Variants in PACSIN2 observed in about 807,000 individuals in gnomAD.
The protein encoded by PACSIN2 is protein kinase C and casein kinase substrate in neurons protein 2.
Under a neutral mutation model 63.8 loss-of-function variants are expected in PACSIN2, and 25 were observed. The observed-to-expected ratio is 0.39, with a 90% confidence interval of 0.29 to 0.55. PACSIN2 has a LOEUF of 0.55. Ranked by LOEUF, PACSIN2 falls within the 20% of genes least tolerant of loss-of-function variation. The pLI is 0.62. For missense variants in PACSIN2, 518 were observed against 646.9 expected (o/e 0.80, Z 2.16); for synonymous variants, 255 against 256.2 (o/e 1.00, Z 0.05).
At position 42,871,283 on chromosome 22, in the gene PACSIN2, G is replaced by T; in HGVS notation, c.*74C>A. On this transcript the variant is annotated 3_prime_UTR_variant, in exon 11 of 11. Coordinates refer to ENST00000263246, the MANE Select transcript of PACSIN2 (RefSeq NM_001184970.3). The surrounding 1 kb of genome is among the most constrained non-coding windows in gnomAD (Gnocchi z 5.4). ...ACCATCATCTCTTGCAGGAAAAGGAGTGGATGCCCACGTGGCTGGCTGAGG... is the reference window on the plus strand; with the variant it reads ...ACCATCATCTCTTGCAGGAAAAGGATTGGATGCCCACGTGGCTGGCTGAGG... The T allele has an allele frequency of 1.1e-6, 1 of 873,930 alleles. No homozygotes were observed. 54.1% of individuals were successfully genotyped at this position (873,930 alleles called of 1,614,324 possible).
chr22:42,893,930 C>A (rs1027671062), intron 2 of PACSIN2, among the ~76,000 whole-genome samples: 1 of 151,994 alleles, frequency 6.6e-6, no homozygotes, highest in Non-Finnish European at 1.5e-5. Context: ...GATGCCTAAA[C>A]GGGCACCTCA....
At chr22:42,945,432 G>T (rs1933374228) in intron 1 of PACSIN2, among the ~76,000 whole-genome samples, 1 of 152,046 alleles carries the variant, frequency 6.6e-6, no homozygotes, top group Non-Finnish European at 1.5e-5. Context: ...CAAGCCCCCT[G>T]ATCTGCTGTC....
intron 2 of PACSIN2, among the ~76,000 whole-genome samples, chr22:42,898,792 A>G (rs1408945724): frequency 2.0e-5 from 3 of 152,222 alleles, no homozygotes; most frequent in South Asian, 2.1e-4. Context: ...TGAGAACCCA[A>G]TGTCAGCCAA....
At position 42,995,099 on chromosome 22, in the gene PACSIN2, G is replaced by A. The variant is rs986016889; in HGVS notation, c.-78+19922C>T. On this transcript the variant is annotated intron_variant, in intron 1 of 10. Coordinates refer to ENST00000263246, the MANE Select transcript of PACSIN2 (RefSeq NM_001184970.3). ...CCCCTCCCCGCCTCGGGGCTGCTCC[G>A]GGCCCCAACTGCCAGGAAGCAAGAC... 2.6e-5 allele frequency among the ~76,000 whole-genome samples: 4 copies of A among 152,200 alleles called. No homozygotes were observed. The South Asian group carries it at 6.2e-4, about 24-fold the overall frequency.
In PACSIN2 at chr22:42,893,603, T is replaced by G; in HGVS notation, c.71A>C (p.Tyr24Ser). The change falls in exon 3 of 11, where the codon TAC becomes TCC. Residue 24 changes from tyrosine (Y) to serine (S), a missense_variant. Physicochemically the swap from Tyr to Ser is moderately radical, Grantham distance 144 (BLOSUM62 -2). This residue lies in a region of PACSIN2 where 507 missense variants were observed against 612.3 expected (regional missense o/e 0.83). Coordinates refer to ENST00000263246, the MANE Select transcript of PACSIN2 (RefSeq NM_001184970.3). ...GTCGATCCGCTTCACAGTCCGCTTG[T>G]AGTTCCCGACCTAGGAGAGAGAACC... Reference protein sequence around the residue: ...SSDSFWEVGNYKRTVKRIDDG... With the variant: ...SSDSFWEVGNSKRTVKRIDDG... 6.2e-7 allele frequency: 1 copy of G among 1,613,906 alleles called. No homozygotes were observed. Among genetic ancestry groups the G allele is most frequent in the Non-Finnish European group, 8.5e-7 (1 of 1,179,864 alleles).
chr22:42,884,746 G>C (rs1036506920), intron 5 of PACSIN2, among the ~76,000 whole-genome samples, 185 bp from the exon 6 acceptor site: 4 of 152,224 alleles, frequency 2.6e-5, no homozygotes, highest in African/African-American at 9.6e-5. Context: ...TCACACTCCT[G>C]CCATCTGCCC....
chr22:43,011,477 T>C (rs1456804522), intron 1 of PACSIN2, among the ~76,000 whole-genome samples: 1 of 152,150 alleles, frequency 6.6e-6, no homozygotes, highest in Non-Finnish European at 1.5e-5. Flanking sequence ...CAAGGTGCCA[T>C]CACTATTATT....
At chr22:42,914,399 A>G (rs1405325745) in intron 1 of PACSIN2, among the ~76,000 whole-genome samples, 2 of 152,096 alleles carry the variant, frequency 1.3e-5, no homozygotes, top group Non-Finnish European at 2.9e-5. Flanking sequence ...CGCTCGGCTA[A>G]TTTTTGTATT....
chr22:42,939,494 T>C (rs1933053882), intron 1 of PACSIN2, among the ~76,000 whole-genome samples: 1 of 152,172 alleles, frequency 6.6e-6, no homozygotes, highest in Non-Finnish European at 1.5e-5. Flanking sequence ...AGAGCAGGCC[T>C]AACTGAACCA....
intron 5 of PACSIN2, among the ~76,000 whole-genome samples, chr22:42,885,115 T>C (rs1458433375): frequency 6.6e-6 from 1 of 152,120 alleles, no homozygotes; most frequent in Non-Finnish European, 1.5e-5. Flanking sequence ...CCTCCCAGAT[T>C]GTCCCAAGAA....
intron 1 of PACSIN2, among the ~76,000 whole-genome samples, chr22:43,003,697 C>T (rs774359901): frequency 6.6e-5 from 10 of 152,228 alleles, no homozygotes; most frequent in Non-Finnish European, 2.9e-5. Flanking sequence ...GAAGACCTTT[C>T]GCAATTTTAC....
intron 2 of PACSIN2, among the ~76,000 whole-genome samples, chr22:42,900,113 C>G (rs1306589791): frequency 6.6e-6 from 1 of 151,946 alleles, no homozygotes; most frequent in Non-Finnish European, 1.5e-5. Context: ...GCTGGAGCAC[C>G]AGCGTGGAGC....
intron 1 of PACSIN2, among the ~76,000 whole-genome samples, chr22:42,974,146 T>C (rs1921517708): frequency 6.6e-6 from 1 of 152,216 alleles, no homozygotes; most frequent in Admixed American, 6.5e-5. Flanking sequence ...GAAATCTATG[T>C]AAGTCTCCTT....
At chr22:42,981,556 G>T (rs1459454891) in intron 1 of PACSIN2, among the ~76,000 whole-genome samples, 1 of 117,616 alleles carries the variant, frequency 8.5e-6, no homozygotes, top group Admixed American at 8.2e-5. Flanking sequence ...CGGCCGCCCC[G>T]TCCGGGAGGT....
chr22:42,973,562 C>A (rs1921477675), intron 1 of PACSIN2, among the ~76,000 whole-genome samples: 1 of 152,250 alleles, frequency 6.6e-6, no homozygotes, highest in Non-Finnish European at 1.5e-5. Flanking sequence ...TTGGAATTTA[C>A]ACATTTGATA....
At chr22:42,881,304 CAGG>C (rs1929056023) in intron 7 of PACSIN2, among the ~76,000 whole-genome samples, 1 of 152,228 alleles carries the variant, frequency 6.6e-6, no homozygotes, top group South Asian at 2.1e-4. Context: ...CAGCCCCCGA[CAGG>C]AGATGGGTGC....
intron 1 of PACSIN2, among the ~76,000 whole-genome samples, chr22:42,995,813 C>G (rs1923356402): frequency 6.6e-6 from 1 of 152,156 alleles, no homozygotes; most frequent in Non-Finnish European, 1.5e-5. Context: ...CCTGTAATCC[C>G]AGCGCTCTGG....
At chr22:43,010,421 A>G (rs1924408427) in intron 1 of PACSIN2, among the ~76,000 whole-genome samples, 1 of 92,950 alleles carries the variant, frequency 1.1e-5, no homozygotes, top group Admixed American at 1.2e-4. Flanking sequence ...TGAAAATAAA[A>G]AAGACCGGCC....
Position 42,891,160 on chromosome 22 carries a change from C to T in PACSIN2, c.240G>A (p.Glu80=). 1.2e-6 allele frequency: 2 copies of T among 1,613,848 alleles called. No homozygotes were observed. Among genetic ancestry groups the T allele is most frequent in the Non-Finnish European group, 8.5e-7 (1 of 1,179,936 alleles). Residue 80 remains glutamate, a synonymous_variant, in exon 4 of 11, where the codon GAG becomes GAA. Transcript: ENST00000263246. ...CGGACATGAAGGCCATCCAGGCCTT[C>T]TCCACGGTCCCGTACTGGGGCCCTG... The part of the protein sequence containing the change: ...VEKGPQYGTV[E]KAWMAFMSEA...
Sources: gnomAD v4.1 joint callset for allele counts (sites outside exome capture counted in the v4.1 genomes callset) on GRCh38, gnomAD v4.1.1 for gene constraint, gnomAD v4.1.1 regional missense constraint, Gnocchi (gnomAD v3.1) non-coding constraint, MANE v1.5 for transcripts, NCBI Gene and HGNC (gene_info 2026-07-23, HGNC 2026-07-21) for gene names.